CLEC10A: variants seen among roughly 807,000 people sequenced by gnomAD.
CLEC10A encodes the protein C-type lectin domain family 10 member A.
A neutral mutation model predicts 42.0 loss-of-function variants in CLEC10A; 38 were observed. The observed-to-expected ratio is 0.90, with a 90% confidence interval of 0.70 to 1.18. The LOEUF is 1.18. Ranked by LOEUF, CLEC10A falls within the 50% of genes most tolerant of loss-of-function variation. The pLI is 0.00. For synonymous variants in CLEC10A, 126 were observed against 139.9 expected, an observed-to-expected ratio of 0.90 and a Z score of 0.70; for missense variants, 298 against 345.9, an observed-to-expected ratio of 0.86 and a Z score of 1.10.
chr17:7,077,795 TC>T (rs988897584), intron 3 of CLEC10A, among the ~76,000 whole-genome samples: 13 of 59,346 alleles, frequency 2.2e-4, no homozygotes, highest in East Asian at 3.3e-4. Context: ...CTTCAGTGGC[TC>T]TGTTGTGACC....
intron 3 of CLEC10A, among the ~76,000 whole-genome samples, chr17:7,077,778 A>ATTCCCATCAATCACCCCATCAGTGCCCCC (rs1911931611): frequency 2.3e-5 from 1 of 43,170 alleles, no homozygotes; most frequent in Non-Finnish European, 4.7e-5. Context: ...TCAGTGCCCC[A>ATTCCCATCAATCACCCCATCAGTGCCCCC]TCAGTGCTTC....
chr17:7,077,951 C>A, intron 3 of CLEC10A, 46 bp downstream of exon 3: 1 of 1,431,366 alleles, frequency 7.0e-7, no homozygotes, highest in Non-Finnish European at 9.8e-7. Flanking sequence ...TATTTATCTT[C>A]TACCCCATTA....
chr17:7,078,219 TC>T, intron 2 of CLEC10A, 106 bp from the exon 3 acceptor site: 1 of 773,602 alleles, frequency 1.3e-6, no homozygotes, highest in Non-Finnish European at 2.1e-6. Flanking sequence ...CACAGGGGAC[TC>T]CAGGGGAGGG....
chr17:7,078,569 T>C, intron 2 of CLEC10A, 177 bp downstream of exon 2: 1 of 645,826 alleles, frequency 1.5e-6, no homozygotes. Context: ...ATCCTCCCTG[T>C]CCCAGTCTTT....
At chr17:7,075,681 A>C in intron 7 of CLEC10A, 50 bp downstream of exon 7, 1 of 1,613,626 alleles carries the variant, frequency 6.2e-7, no homozygotes. Context: ...CTTAAGAACC[A>C]TTTCCCTAAA....
intron 3 of CLEC10A, among the ~76,000 whole-genome samples, chr17:7,077,490 G>GCCCCCC (rs1911864108): frequency 1.7e-5 from 1 of 58,370 alleles, no homozygotes; most frequent in African/African-American, 8.5e-5. Context: ...CTCCATCAGT[G>GCCCCCC]ACCCCCACCA....
At chr17:7,078,576 CT>C in intron 2 of CLEC10A, 169 bp downstream of exon 2, 1 of 663,098 alleles carries the variant, frequency 1.5e-6, no homozygotes, top group Non-Finnish European at 2.7e-6. Context: ...CTGTCCCAGT[CT>C]TTCTAGAGAC....
chr17:7,077,983 CCT>C lies in CLEC10A; in HGVS notation c.184+12_184+13del, dbSNP rs746772465. The C allele has an allele frequency of 2.6e-5, 41 of 1,579,312 alleles. No individual in the cohort carries two copies. The highest frequency in any genetic ancestry group is 3.0e-5 in the Non-Finnish European group (35 of 1,149,372). On this transcript the variant is annotated intron_variant, in intron 3 of 8. Coordinates refer to ENST00000416562, the MANE Select transcript of CLEC10A (RefSeq NM_001330070.2). ...ATTATTTCTCTCTTCCCTGTCCACC[CCT>C]GTGACCCTCACTTTGGAATCCAACC...
At chr17:7,078,985 G>A (rs896310919) in intron 1 of CLEC10A, 100 bp from the exon 2 acceptor site, 18 of 651,502 alleles carry the variant, frequency 2.8e-5, no homozygotes, top group Non-Finnish European at 4.4e-5. Flanking sequence ...GGGTTAAGAC[G>A]GAAATGAGCC....
At chr17:7,078,533 G>A in intron 2 of CLEC10A, 1 of 590,244 alleles carries the variant, frequency 1.7e-6, no homozygotes, top group Non-Finnish European at 3.0e-6. Context: ...CCACCCCACA[G>A]AGCATCAGAA....
At position 7,076,975 on chromosome 17, in the gene CLEC10A, T is replaced by TGAAATTTG. The variant is rs1473532887; in HGVS notation, c.189_196dup (p.Gln66ProfsTer8). On this transcript the variant is annotated frameshift_variant, in exon 4 of 9. Transcript: ENST00000416562. LOFTEE classifies it high-confidence loss of function. ...TGTTCTCAGGGTCACCAGGTCCCTC[T>TGAAATTTG]GAAATTTGGAATCTAAACAGGTGGA... is the stretch of plus-strand genomic sequence containing the variant. The TGAAATTTG allele has an allele frequency of 6.2e-7, 1 of 1,613,186 alleles. No homozygotes were observed. Among genetic ancestry groups the TGAAATTTG allele is most frequent in the Non-Finnish European group, 8.5e-7 (1 of 1,179,326 alleles).
chr17:7,079,303 C>A (rs1912043391), intron 1 of CLEC10A, among the ~76,000 whole-genome samples: 1 of 152,114 alleles, frequency 6.6e-6, no homozygotes. Context: ...TGGGGGGCGA[C>A]AGGTGCGGTG....
At position 7,078,869 on chromosome 17, in the gene CLEC10A, C is replaced by T; in HGVS notation, c.-57G>A. The T allele has an allele frequency of 6.4e-7, 1 of 1,564,502 alleles. No homozygotes were observed. The highest frequency in any genetic ancestry group is 8.8e-7 in the Non-Finnish European group (1 of 1,134,792). Reference sequence around the variant, plus strand: ...AGCTGAAATGGAGGCAGGGCCGGCGCCCAGTCTGGGGTGGAGCTGGGGAAT... The same window carrying T: ...AGCTGAAATGGAGGCAGGGCCGGCGTCCAGTCTGGGGTGGAGCTGGGGAAT... On this transcript the variant is annotated 5_prime_UTR_variant, in exon 2 of 9. Coordinates refer to ENST00000416562, the MANE Select transcript of CLEC10A (RefSeq NM_001330070.2).
chr17:7,078,165 G>A (rs140014662), intron 2 of CLEC10A, 52 bp from the exon 3 acceptor site: 14 of 1,372,920 alleles, frequency 1.0e-5, no homozygotes, highest in South Asian at 9.4e-5. Flanking sequence ...CCGGAGACGG[G>A]AGAAGGAGAG....
chr17:7,076,700 G>T (rs1567744832), intron 5 of CLEC10A, 33 bp downstream of exon 5: 2 of 1,608,274 alleles, frequency 1.2e-6, no homozygotes, highest in Admixed American at 1.7e-5. Context: ...TGAGCGCCTA[G>T]CCCCCCACAC....
In CLEC10A at chr17:7,075,116, G is replaced by A. The variant is rs1242006252; in HGVS notation, c.808C>T (p.Gln270Ter). Reference sequence around the variant, plus strand: ...TCGCAGACCCAGTGGTAGGGCCTCTGGCAGACGTCGTCATTCCACCTGCCG... The same window carrying A: ...TCGCAGACCCAGTGGTAGGGCCTCTAGCAGACGTCGTCATTCCACCTGCCG... ...PDGRWNDDVCQRPYHWVCEAG... is the reference protein window; with the variant it reads ...PDGRWNDDVC Residue 270 changes from glutamine (Q) to a stop codon, truncating the protein, a stop_gained, in exon 9 of 9, where the codon CAG becomes TAG. Coordinates refer to ENST00000416562, the MANE Select transcript of CLEC10A (RefSeq NM_001330070.2). LOFTEE classifies it high-confidence loss of function. 17 of 1,608,386 alleles carry A rather than the reference G, an allele frequency of 1.1e-5. No individual in the cohort carries two copies. Among genetic ancestry groups the A allele is most frequent in the Non-Finnish European group, 1.3e-5 (15 of 1,178,484 alleles).
In CLEC10A at chr17:7,078,507, T is replaced by G. The variant is rs1388816819; in HGVS notation, c.67+239A>C. The G allele has an allele frequency of 2.3e-5, 13 of 560,318 alleles. No homozygotes were observed. The South Asian group carries it at 3.0e-4, about 13-fold the overall frequency. The allele number at this position is 560,318 out of a possible 1,614,324, so 34.7% of individuals were successfully genotyped here. On this transcript the variant is annotated intron_variant, in intron 2 of 8. Coordinates refer to ENST00000416562, the MANE Select transcript of CLEC10A (RefSeq NM_001330070.2). ...AACTACTTATCTTTCCCTCCACCAA[T>G]GCGCAGCTCTCATCCCCACCCCACA...
At chr17:7,077,521 A>G (rs1369155590) in intron 3 of CLEC10A, among the ~76,000 whole-genome samples, 1 of 55,636 alleles carries the variant, frequency 1.8e-5, no homozygotes, top group South Asian at 8.4e-4. Flanking sequence ...CAATCACCCC[A>G]TCAGTGACCC....
chr17:7,078,862 G>C lies in CLEC10A; in HGVS notation c.-50C>G, dbSNP rs765165355. On this transcript the variant is annotated 5_prime_UTR_variant, in exon 2 of 9. Coordinates refer to ENST00000416562, the MANE Select transcript of CLEC10A (RefSeq NM_001330070.2). ...TTGTCACAGCTGAAATGGAGGCAGG[G>C]CCGGCGCCCAGTCTGGGGTGGAGCT... 6.3e-7 allele frequency: 1 copy of C among 1,585,960 alleles called. No homozygotes were observed. The highest frequency in any genetic ancestry group is 1.7e-5 in the Admixed American group (1 of 59,980).
Sources: allele counts gnomAD v4.1 joint callset (sites outside exome capture counted in the v4.1 genomes callset), GRCh38; gene constraint gnomAD v4.1.1; transcripts MANE v1.5; gene names NCBI Gene and HGNC (gene_info 2026-07-23, HGNC 2026-07-21).